Variants in SLC7A8 observed in about 807,000 individuals in gnomAD.
SLC7A8 encodes large neutral amino acids transporter small subunit 2.
Under a neutral mutation model 51.2 loss-of-function variants are expected in SLC7A8, and 30 were observed. The ratio of observed to expected loss-of-function variants is 0.59; its 90% CI spans 0.44 to 0.80. The LOEUF (loss-of-function observed/expected upper bound fraction) is 0.80, where lower values mean the gene tolerates loss of function less well. Among genes scored for constraint, SLC7A8 ranks in the 30% least tolerant of loss-of-function variants. SLC7A8 has a pLI of 0.00. For synonymous variants in SLC7A8, 257 were observed against 275.8 expected, an observed-to-expected ratio of 0.93 and a Z score of 0.67; for missense variants, 612 against 674.4, an observed-to-expected ratio of 0.91 and a Z score of 1.03.
intron 3 of SLC7A8, among the ~76,000 whole-genome samples, chr14:23,150,193 G>C (rs138421066): frequency 6.6e-6 from 1 of 152,200 alleles, no homozygotes; most frequent in Admixed American, 6.5e-5. Flanking sequence ...TTTAAGGATG[G>C]GTTGGGGAGT....
intron 7 of SLC7A8, among the ~76,000 whole-genome samples, chr14:23,136,669 T>C (rs1315133147): frequency 6.6e-6 from 1 of 152,136 alleles, no homozygotes; most frequent in Non-Finnish European, 1.5e-5. Flanking sequence ...GAGCACACCA[T>C]GCGCCACCGT....
At chr14:23,157,222 C>T (rs1204512424) in intron 3 of SLC7A8, among the ~76,000 whole-genome samples, 1 of 152,202 alleles carries the variant, frequency 6.6e-6, no homozygotes, top group East Asian at 1.9e-4. Flanking sequence ...ACCATGCAGT[C>T]CTTGACTCCT....
In SLC7A8 at chr14:23,166,487, C is replaced by T. The variant is rs1338433859; in HGVS notation, c.205G>A (p.Ala69Thr). The change falls in exon 2 of 11, where the codon GCT becomes ACT. Residue 69 changes from alanine to threonine, a missense_variant. Coordinates refer to ENST00000316902, the MANE Select transcript of SLC7A8 (RefSeq NM_012244.4). ...FVSPKGVLEN[A>T]GSVGLALIVW... ...ATGAGAGCAAGGCCCACAGAACCAG[C>T]ATTCTCCAGCACTCCCTTTGGCGAG... The T allele has an allele frequency of 6.2e-7, 1 of 1,614,192 alleles. No homozygotes were observed. Among genetic ancestry groups the T allele is most frequent in the East Asian group, 2.2e-5 (1 of 44,876 alleles).
In SLC7A8 at chr14:23,166,399, A is replaced by T. The variant is rs760843509; in HGVS notation, c.293T>A (p.Val98Asp). 1.9e-6 allele frequency: 3 copies of T among 1,613,884 alleles called. No individual in the cohort carries two copies. The South Asian group carries it at 3.3e-5, about 18-fold the overall frequency. The change falls in exon 2 of 11, where the codon GTC (valine) becomes GAC (aspartate). Residue 98 changes from valine (V) to aspartate (D), a missense_variant. By Grantham distance (152) the Val-to-Asp change is radical (BLOSUM62 -3). Coordinates refer to ENST00000316902, the MANE Select transcript of SLC7A8 (RefSeq NM_012244.4). ...GTCACCTCCAGATTTGGGGATGGTG[A>T]CCCCGAGTTCAGCATAGCAGAGGGC... ...VGALCYAELG[V>D]TIPKSGGDYS... is the part of the protein sequence containing the mutation.
Position 23,143,205 on chromosome 14 carries a change from C to T in SLC7A8, c.509-1G>A, listed in dbSNP as rs2048761762. Reference sequence around the variant, plus strand: ...GAACAGTTGACCCATGTGAGGAGCACTGAAATGAAAGACCCCCAAACAGAC... The same window carrying T: ...GAACAGTTGACCCATGTGAGGAGCATTGAAATGAAAGACCCCCAAACAGAC... On this transcript the variant is annotated splice_acceptor_variant, in intron 3 of 10. Coordinates refer to ENST00000316902, the MANE Select transcript of SLC7A8 (RefSeq NM_012244.4). LOFTEE classifies it high-confidence loss of function. 2 of 1,614,002 alleles carry T rather than the reference C, an allele frequency of 1.2e-6. No homozygotes were observed. The highest frequency in any genetic ancestry group is 2.2e-5 in the East Asian group (1 of 44,886).
intron 3 of SLC7A8, chr14:23,155,345 C>G: frequency 1.3e-6 from 2 of 1,531,048 alleles, no homozygotes; most frequent in Non-Finnish European, 1.7e-6. Context: ...AAGCTCCTGC[C>G]CATACTGCCC....
chr14:23,127,407 G>A, intron 10 of SLC7A8, 64 bp from the exon 11 acceptor site: 1 of 1,580,036 alleles, frequency 6.3e-7, no homozygotes, highest in Non-Finnish European at 8.6e-7. Context: ...TGGCCAAGTG[G>A]CCCCGGCCCT....
chr14:23,172,510 C>T (rs2048979842), intron 1 of SLC7A8, among the ~76,000 whole-genome samples: 1 of 152,116 alleles, frequency 6.6e-6, no homozygotes. Context: ...GCATCGTAGC[C>T]TGGGGGTGGT....
At chr14:23,175,796 A>G (rs1389824248) in intron 1 of SLC7A8, among the ~76,000 whole-genome samples, 1 of 152,170 alleles carries the variant, frequency 6.6e-6, no homozygotes, top group Non-Finnish European at 1.5e-5. Context: ...CATTTTAGTT[A>G]AGCCCAGTTG....
chr14:23,172,716 A>C (rs1441597471), intron 1 of SLC7A8, among the ~76,000 whole-genome samples: 1 of 152,180 alleles, frequency 6.6e-6, no homozygotes, highest in Non-Finnish European at 1.5e-5. Flanking sequence ...TGGTTGTCAC[A>C]ATGAGGGTGG....
intron 3 of SLC7A8, among the ~76,000 whole-genome samples, chr14:23,158,071 G>C (rs1233881773): frequency 6.6e-6 from 1 of 152,188 alleles, no homozygotes. Flanking sequence ...TAAGAAAGAA[G>C]GCTAAATCTG....
intron 3 of SLC7A8, among the ~76,000 whole-genome samples, chr14:23,161,538 T>C (rs1055079219): frequency 1.1e-4 from 15 of 135,824 alleles, no homozygotes; most frequent in Non-Finnish European, 2.3e-4. Flanking sequence ...TTATTTTATG[T>C]AGCTGGCTTG....
Position 23,166,448 on chromosome 14 carries a change from T to G in SLC7A8, c.244A>C (p.Thr82Pro). The change falls in exon 2 of 11, where the codon ACG becomes CCG. Residue 82 changes from threonine (T) to proline (P), a missense_variant. Transcript: ENST00000316902. ...VGLALIVWIV[T>P]GFITVVGALC... ...GCTCCCACAACTGTGATGAAGCCCG[T>G]CACAATCCAGACGATGAGAGCAAGG... 1 of 1,614,176 alleles carries G rather than the reference T, an allele frequency of 6.2e-7. No individual in the cohort carries two copies. Among genetic ancestry groups the G allele is most frequent in the South Asian group, 1.1e-5 (1 of 91,078 alleles).
chr14:23,182,021 T>C (rs1190090240), intron 1 of SLC7A8, among the ~76,000 whole-genome samples: 1 of 152,212 alleles, frequency 6.6e-6, no homozygotes, highest in Non-Finnish European at 1.5e-5. Flanking sequence ...CAGTTCCTCC[T>C]CAACTCCATA....
At chr14:23,134,199 T>C (rs1183770934) in intron 7 of SLC7A8, among the ~76,000 whole-genome samples, 1 of 152,042 alleles carries the variant, frequency 6.6e-6, no homozygotes, top group Non-Finnish European at 1.5e-5. Context: ...TTAATTTTCT[T>C]CCTTATACAT....
chr14:23,141,234 A>C (rs183959515), intron 4 of SLC7A8, among the ~76,000 whole-genome samples: 347 of 152,276 alleles, frequency 2.3e-3, no homozygotes, highest in African/African-American at 7.9e-3. Flanking sequence ...GCAGTGAGCT[A>C]TGATTGTGCC....
chr14:23,170,481 GAC>G (rs1263315238), intron 1 of SLC7A8, among the ~76,000 whole-genome samples: 10 of 151,124 alleles, frequency 6.6e-5, no homozygotes, highest in African/African-American at 1.9e-4. Flanking sequence ...TTTGTTTTGA[GAC>G]AGTCTCACTC....
chr14:23,141,079 T>G (rs186686692), intron 4 of SLC7A8, among the ~76,000 whole-genome samples: 2 of 149,222 alleles, frequency 1.3e-5, no homozygotes, highest in Admixed American at 1.4e-4. Context: ...GGCCAGAAGT[T>G]TGAGACCAGC....
At chr14:23,171,410 T>C (rs1403625411) in intron 1 of SLC7A8, among the ~76,000 whole-genome samples, 2 of 152,192 alleles carry the variant, frequency 1.3e-5, no homozygotes, top group African/African-American at 4.8e-5. Context: ...CCGTGAATAA[T>C]CACTAACTCC....
Sources: gnomAD v4.1 joint callset for allele counts (sites outside exome capture counted in the v4.1 genomes callset) on GRCh38, gnomAD v4.1.1 for gene constraint, MANE v1.5 for transcripts, NCBI Gene and HGNC (gene_info 2026-07-23, HGNC 2026-07-21) for gene names.